Variants in LARP4 observed in about 807,000 individuals in gnomAD.
LARP4 encodes the protein la-related protein 4.
A neutral mutation model predicts 92.9 loss-of-function variants in LARP4; 29 were observed. The ratio of observed to expected loss-of-function variants is 0.31; its 90% CI spans 0.23 to 0.43. The LOEUF (loss-of-function observed/expected upper bound fraction) is 0.43. Among genes scored for constraint, LARP4 ranks in the 20% least tolerant of loss-of-function variants. LARP4 has a pLI of 1.00. For missense variants in LARP4, 732 were observed against 860.0 expected, an observed-to-expected ratio of 0.85 and a Z score of 1.86; for synonymous variants, 279 against 284.1, an observed-to-expected ratio of 0.98 and a Z score of 0.18.
At chr12:50,455,601 A>G (rs974657480) in intron 10 of LARP4, among the ~76,000 whole-genome samples, 1 of 152,146 alleles carries the variant, frequency 6.6e-6, no homozygotes, top group Non-Finnish European at 1.5e-5. Context: ...CTAGGAACTT[A>G]GTCCTTTTTT....
chr12:50,432,289 GAGTT>G (rs1220738777), intron 4 of LARP4, among the ~76,000 whole-genome samples: 3 of 152,196 alleles, frequency 2.0e-5, no homozygotes, highest in Non-Finnish European at 4.4e-5. Flanking sequence ...ACTCTAGACA[GAGTT>G]TGAGCTTTTT....
intron 8 of LARP4, among the ~76,000 whole-genome samples, chr12:50,448,416 C>G (rs1306811310): frequency 6.6e-6 from 1 of 152,138 alleles, no homozygotes; most frequent in Non-Finnish European, 1.5e-5. Flanking sequence ...ATTGTTTCCT[C>G]TATATTCCCA....
Position 50,473,984 on chromosome 12 carries a change from C to T in LARP4, c.1668-15C>T, listed in dbSNP as rs367766017. On this transcript the variant is annotated splice_polypyrimidine_tract_variant and intron_variant, in intron 14 of 15. Transcript: ENST00000398473. ...ATGCTATTCTGAGTCTAATTGCAAG[C>T]TCTTTTTTCCTTAGCACAACTCAGC... The T allele has an allele frequency of 2.7e-5, 43 of 1,604,868 alleles. No homozygotes were observed. In the African/African-American group the frequency reaches 5.1e-4, roughly 19 times the overall value.
chr12:50,422,834 T>A (rs867381200), intron 1 of LARP4, among the ~76,000 whole-genome samples: 3 of 135,444 alleles, frequency 2.2e-5, no homozygotes, highest in Non-Finnish European at 4.9e-5. Context: ...TATTATTATT[T>A]TTGAGACGAG....
intron 1 of LARP4, among the ~76,000 whole-genome samples, chr12:50,410,801 GA>G (rs941564520): frequency 7.2e-5 from 11 of 152,114 alleles, no homozygotes; most frequent in African/African-American, 2.7e-4. Flanking sequence ...AGTGATTCGT[GA>G]CCCCCAAAAG....
In LARP4 at chr12:50,479,895, C is replaced by T. The variant is rs1329906407; in HGVS notation, c.*4031C>T. 6.6e-6 allele frequency: 1 copy of T among 152,432 alleles called. No individual in the cohort carries two copies. The highest frequency in any genetic ancestry group is 1.5e-5 in the Non-Finnish European group (1 of 68,018). The allele number at this position is 152,432 out of a possible 1,614,324, so 9.4% of individuals were successfully genotyped here. A position where few individuals can be genotyped will look rare whatever the true frequency, so the allele number is the denominator to read the frequency against. ...AAAATTGGTGTGACACATGCTCATG[C>T]ATAAAATGTTAAAATGAGTACATCC... On this transcript the variant is annotated 3_prime_UTR_variant, in exon 16 of 16. Coordinates refer to ENST00000398473, the MANE Select transcript of LARP4 (RefSeq NM_052879.5).
intron 8 of LARP4, 69 bp downstream of exon 8, chr12:50,441,712 A>G: frequency 8.4e-7 from 1 of 1,186,110 alleles, no homozygotes; most frequent in East Asian, 2.4e-5. Flanking sequence ...TAAAAAATAC[A>G]GACAGATAAT....
rs1157107432 is a variant in LARP4, at chr12:50,474,013, A to G, written c.1682A>G (p.Glu561Gly). The part of the protein sequence containing the change: ...ELTALSTTQQ[E>G]KDLIEDSSVQ... ...TTTTTCCTTAGCACAACTCAGCAAG[A>G]AAAGGATCTAATAGAAGATTCCTCT... Residue 561 changes from glutamate to glycine, a missense_variant, in exon 15 of 16, where the codon GAA becomes GGA. This residue lies in a region of LARP4 where 97 missense variants were observed against 85.9 expected (regional missense o/e 1.13). Coordinates refer to ENST00000398473, the MANE Select transcript of LARP4 (RefSeq NM_052879.5). The G allele has an allele frequency of 6.2e-7, 1 of 1,611,670 alleles. No individual in the cohort carries two copies. The highest frequency in any genetic ancestry group is 8.5e-7 in the Non-Finnish European group (1 of 1,179,774).
intron 6 of LARP4, 74 bp downstream of exon 6, chr12:50,437,912 C>T: frequency 7.3e-6 from 7 of 953,532 alleles, no homozygotes; most frequent in Non-Finnish European, 9.5e-6. Context: ...CCTTTCGTGG[C>T]AAAGAAGAAA....
In LARP4 at chr12:50,475,938, G is replaced by GA; in HGVS notation, c.*74_*75insA. The GA allele has an allele frequency of 8.0e-7, 1 of 1,252,140 alleles. No homozygotes were observed. Among genetic ancestry groups the GA allele is most frequent in the Non-Finnish European group, 1.1e-6 (1 of 892,374 alleles). The allele number at this position is 1,252,140 out of a possible 1,614,324, so 77.6% of individuals were successfully genotyped here. A position where few individuals can be genotyped will look rare whatever the true frequency, so the allele number is the denominator to read the frequency against. ...AACTGTGGCTATATTGAACTGTTTT[G>GA]GAGGGGAGGGGGTAGCCAGGAAGGA... On this transcript the variant is annotated 3_prime_UTR_variant, in exon 16 of 16. Coordinates refer to ENST00000398473, the MANE Select transcript of LARP4 (RefSeq NM_052879.5).
chr12:50,407,899 A>G (rs143802286), intron 1 of LARP4, among the ~76,000 whole-genome samples: 25 of 152,336 alleles, frequency 1.6e-4, no homozygotes, highest in African/African-American at 5.5e-4. Flanking sequence ...GAAAAAAATT[A>G]TAATGTAAAA....
intron 6 of LARP4, among the ~76,000 whole-genome samples, chr12:50,438,979 C>T (rs1950830312): frequency 6.6e-6 from 1 of 152,088 alleles, no homozygotes; most frequent in African/African-American, 2.4e-5. Flanking sequence ...AGTCTGTCAC[C>T]CAGGGTGGAG....
rs1429440307 is a variant in LARP4, at chr12:50,476,685, T to TG, written c.*821_*822insG. The TG allele has an allele frequency of 1.6e-4, 1 of 6,172 alleles. No homozygotes were observed. Among genetic ancestry groups the TG allele is most frequent in the Non-Finnish European group, 7.7e-3 (1 of 130 alleles). 0.4% of individuals were successfully genotyped at this position (6,172 alleles called of 1,614,324 possible). A position where few individuals can be genotyped will look rare whatever the true frequency, so the allele number is the denominator to read the frequency against. On this transcript the variant is annotated 3_prime_UTR_variant, in exon 16 of 16. Transcript: ENST00000398473. ...TCAGAGGTTTAAACTTCCCTGTGAT[T>TG]CCCCCGAATACCCCCAAAATGAGAA...
chr12:50,457,359 A>T (rs1954498274), intron 10 of LARP4, among the ~76,000 whole-genome samples: 1 of 151,362 alleles, frequency 6.6e-6, no homozygotes, highest in African/African-American at 2.4e-5. Flanking sequence ...GACGCATGCC[A>T]CCACGCCCAG....
chr12:50,415,875 GT>G (rs879275797), intron 1 of LARP4: 31 of 142,874 alleles, frequency 2.2e-4, no homozygotes, highest in Admixed American at 2.1e-4. Context: ...TTTTGTTGTT[GT>G]TTTTTTTTTT....
chr12:50,417,870 CTT>C (rs1947101269), intron 1 of LARP4, among the ~76,000 whole-genome samples: 1 of 150,648 alleles, frequency 6.6e-6, no homozygotes, highest in South Asian at 2.1e-4. Context: ...ATTTTTTTTT[CTT>C]GTTTTGAGAC....
At chr12:50,446,953 G>A (rs918229141) in intron 8 of LARP4, among the ~76,000 whole-genome samples, 2 of 152,116 alleles carry the variant, frequency 1.3e-5, no homozygotes, top group Admixed American at 6.6e-5. Context: ...CTGGCCTATG[G>A]CTGTAAGGAT....
At chr12:50,418,968 G>A (rs1027587192) in intron 1 of LARP4, among the ~76,000 whole-genome samples, 2 of 152,216 alleles carry the variant, frequency 1.3e-5, no homozygotes, top group South Asian at 2.1e-4. Context: ...CAGTCCTTCC[G>A]TCTTGGCCTC....
chr12:50,428,250 A>G (rs1236319260), intron 2 of LARP4, among the ~76,000 whole-genome samples: 1 of 151,636 alleles, frequency 6.6e-6, no homozygotes, highest in African/African-American at 2.4e-5. Flanking sequence ...CTGGTCTCGA[A>G]CTCCTGACCT....
Sources: allele counts gnomAD v4.1 joint callset (sites outside exome capture counted in the v4.1 genomes callset), GRCh38; gene constraint gnomAD v4.1.1; regional missense constraint gnomAD v4.1.1; transcripts MANE v1.5; gene names NCBI Gene and HGNC (gene_info 2026-07-23, HGNC 2026-07-21).